Variants in TNRC6B observed in about 807,000 individuals in gnomAD.
TNRC6B encodes the protein trinucleotide repeat-containing gene 6B protein.
Under a neutral mutation model 203.6 loss-of-function variants are expected in TNRC6B, and 52 were observed. The ratio of observed to expected loss-of-function variants is 0.26; its 90% CI spans 0.20 to 0.32. The LOEUF (loss-of-function observed/expected upper bound fraction) is 0.32. Ranked by LOEUF, TNRC6B falls within the 10% of genes least tolerant of loss-of-function variation. TNRC6B has a pLI of 1.00. For synonymous variants in TNRC6B, 838 were observed against 845.7 expected (o/e 0.99, Z 0.16); for missense variants, 1,923 against 2,286.2 (o/e 0.84, Z 3.24).
chr22:40,203,919 G>A (rs1194800275), intron 1 of TNRC6B, among the ~76,000 whole-genome samples: 2 of 152,156 alleles, frequency 1.3e-5, no homozygotes, highest in Non-Finnish European at 2.9e-5. Context: ...TGCCCTTTAT[G>A]ATGTGTCTAT....
chr22:40,062,364 C>T (rs1297575375), intron 1 of TNRC6B, among the ~76,000 whole-genome samples: 3 of 152,110 alleles, frequency 2.0e-5, no homozygotes, highest in South Asian at 2.1e-4. Flanking sequence ...CCATGCCCAG[C>T]TGCCCAGCTG....
intron 1 of TNRC6B, among the ~76,000 whole-genome samples, chr22:40,063,166 T>G (rs1227020044): frequency 6.6e-6 from 1 of 152,204 alleles, no homozygotes; most frequent in Non-Finnish European, 1.5e-5. Flanking sequence ...TCCAGCCCCA[T>G]TTGTTGAAAA....
At chr22:40,278,896 A>C (rs1327138155) in intron 9 of TNRC6B, among the ~76,000 whole-genome samples, 1 of 152,166 alleles carries the variant, frequency 6.6e-6, no homozygotes, top group Non-Finnish European at 1.5e-5. Flanking sequence ...GTGTGCCGCC[A>C]CGCACAGCTA....
chr22:40,168,405 T>C (rs1027504269), intron 4 of TNRC6B, among the ~76,000 whole-genome samples: 1 of 152,190 alleles, frequency 6.6e-6, no homozygotes, highest in Non-Finnish European at 1.5e-5. Context: ...TTTAGAGGTA[T>C]GTACGAGGTG....
chr22:40,151,987 G>A lies in TNRC6B; in HGVS notation c.46-4128G>A, dbSNP rs897068644. 5.3e-5 allele frequency among the ~76,000 whole-genome samples: 8 copies of A among 152,158 alleles called. 1 individual carries two copies. In the East Asian group the frequency reaches 1.2e-3, roughly 22 times the overall value. On this transcript the variant is annotated intron_variant, in intron 3 of 23. Coordinates refer to the TNRC6B transcript ENST00000301923. ...GGGAGGAAACTGTCAAATAAGTAGA[G>A]AAAATGTCCCAAACCTGAAAAACAA...
chr22:40,210,270 A>G (rs962424541), intron 1 of TNRC6B, among the ~76,000 whole-genome samples: 4 of 152,320 alleles, frequency 2.6e-5, no homozygotes, highest in Non-Finnish European at 4.4e-5. Flanking sequence ...GTCAAGTGAG[A>G]TGAGACAGAC....
At chr22:40,236,286 G>T (rs1450003098) in intron 1 of TNRC6B, among the ~76,000 whole-genome samples, 1 of 152,060 alleles carries the variant, frequency 6.6e-6, no homozygotes, top group African/African-American at 2.4e-5. Context: ...ACCCCCCTTT[G>T]TATCCTCTGG....
At chr22:40,228,573 G>A (rs2069823813) in intron 1 of TNRC6B, among the ~76,000 whole-genome samples, 1 of 150,004 alleles carries the variant, frequency 6.7e-6, no homozygotes, top group Admixed American at 6.6e-5. Flanking sequence ...AGGCTGGAGT[G>A]CAGCGGCGTG....
At position 40,301,260 on chromosome 22, in the gene TNRC6B, C is replaced by T; in HGVS notation, c.4047C>T (p.Asn1349=). 1 of 1,583,180 alleles carries T rather than the reference C, an allele frequency of 6.3e-7. No individual in the cohort carries two copies. The highest frequency in any genetic ancestry group is 8.6e-7 in the Non-Finnish European group (1 of 1,163,522). Residue 1349 remains asparagine, a synonymous_variant, in exon 15 of 23, where the codon AAC becomes AAT. Transcript: ENST00000454349. ...HPVGPKPHLD[N]MVPNALNVGL... is the part of the protein sequence containing the mutation. ...TTGGGCCCAAGCCGCATCTGGACAA[C>T]ATGGTACCCAACGCATTGAATGTGG...
At chr22:40,271,566 ATCAG>A (rs987749336) in intron 6 of TNRC6B, among the ~76,000 whole-genome samples, 23 of 152,324 alleles carry the variant, frequency 1.5e-4, no homozygotes, top group African/African-American at 5.3e-4. Flanking sequence ...CTATTGTGAA[ATCAG>A]TCGTATCATC....
chr22:40,075,889 T>C (rs1449536886), intron 1 of TNRC6B, among the ~76,000 whole-genome samples: 1 of 152,256 alleles, frequency 6.6e-6, no homozygotes, highest in Non-Finnish European at 1.5e-5. Flanking sequence ...TGCACTTTCA[T>C]TTTCCCATTA....
chr22:40,176,379 G>A (rs1254813571), upstream of TNRC6B, among the ~76,000 whole-genome samples: 1 of 151,924 alleles, frequency 6.6e-6, no homozygotes, highest in Non-Finnish European at 1.5e-5. Flanking sequence ...TGCCTGCCTC[G>A]GCCTCCCAAA....
At chr22:40,157,243 G>T (rs2068825798) in intron 4 of TNRC6B, among the ~76,000 whole-genome samples, 1 of 152,102 alleles carries the variant, frequency 6.6e-6, no homozygotes, top group Admixed American at 6.6e-5. Context: ...ACTGCTTAAA[G>T]TACTGACATA....
rs772806863 is a variant in TNRC6B, at chr22:40,323,256, A to T, written c.*15A>T. 1 of 1,597,634 alleles carries T rather than the reference A, an allele frequency of 6.3e-7. No homozygotes were observed. The highest frequency in any genetic ancestry group is 1.4e-5 in the African/African-American group (1 of 73,740). ...ATTCAATCTGAACTTAGAACTTTCAACTCTGACCTCGTGACCTTTTTTGGA... is the reference window on the plus strand; with the variant it reads ...ATTCAATCTGAACTTAGAACTTTCATCTCTGACCTCGTGACCTTTTTTGGA... On this transcript the variant is annotated 3_prime_UTR_variant, in exon 23 of 23. Coordinates refer to ENST00000454349, the MANE Select transcript of TNRC6B (RefSeq NM_001162501.2).
chr22:40,109,153 T>C (rs1395502869), intron 1 of TNRC6B, among the ~76,000 whole-genome samples: 5 of 152,244 alleles, frequency 3.3e-5, no homozygotes, highest in Non-Finnish European at 7.3e-5. Context: ...ATGATGTATA[T>C]GTACCACATT....
At position 40,315,454 on chromosome 22, in the gene TNRC6B, C is replaced by T. The variant is rs942291497; in HGVS notation, c.4850C>T (p.Thr1617Ile). 9.9e-6 allele frequency: 16 copies of T among 1,613,916 alleles called. No homozygotes were observed. Among genetic ancestry groups the T allele is most frequent in the African/African-American group, 1.3e-5 (1 of 74,936 alleles). The change falls in exon 20 of 23, where the codon ACA (threonine) becomes ATA (isoleucine). Residue 1617 changes from threonine (T) to isoleucine (I), a missense_variant. Thr to Ile is a moderately conservative substitution (Grantham distance 89). Around this residue, in one of 8 missense-constraint regions of TNRC6B, gnomAD observed 159 missense variants for 181.0 expected, o/e 0.88. Coordinates refer to ENST00000454349, the MANE Select transcript of TNRC6B (RefSeq NM_001162501.2). ...NPKPSSPWSS[T>I]APRSVRGWGT... Reference sequence around the variant, plus strand: ...AAACCATCATCTCCCTGGAGCAGCACAGCACCCCGATCAGTCAGGGGGTGG... The same window carrying T: ...AAACCATCATCTCCCTGGAGCAGCATAGCACCCCGATCAGTCAGGGGGTGG...
At chr22:40,166,876 C>T (rs1010144922) in intron 4 of TNRC6B, among the ~76,000 whole-genome samples, 17 of 142,584 alleles carry the variant, frequency 1.2e-4, no homozygotes, top group Admixed American at 9.3e-4. Flanking sequence ...GCCTGGGTGA[C>T]GGAGTGAGAC....
intron 3 of TNRC6B, among the ~76,000 whole-genome samples, chr22:40,136,473 A>G (rs1023993635): frequency 6.6e-6 from 1 of 150,496 alleles, no homozygotes; most frequent in Non-Finnish European, 1.5e-5. Flanking sequence ...AACACAGCTC[A>G]TTGCAGCCTG....
chr22:40,075,638 G>A (rs2068006648), intron 1 of TNRC6B, among the ~76,000 whole-genome samples: 1 of 151,826 alleles, frequency 6.6e-6, no homozygotes, highest in Admixed American at 6.6e-5. Context: ...ATATGGTTGG[G>A]TTTAAGTTTA....
Sources: gnomAD v4.1 joint callset for allele counts (sites outside exome capture counted in the v4.1 genomes callset) on GRCh38, gnomAD v4.1.1 for gene constraint, gnomAD v4.1.1 regional missense constraint, MANE v1.5 for transcripts, NCBI Gene and HGNC (gene_info 2026-07-23, HGNC 2026-07-21) for gene names.